Variants in VPS13C observed in about 807,000 individuals in gnomAD.
VPS13C encodes the protein intermembrane lipid transfer protein VPS13C.
In VPS13C, 358 loss-of-function variants were observed where a neutral mutation model predicts 456.8. The observed-to-expected ratio is 0.78, with a 90% confidence interval of 0.72 to 0.86. VPS13C has a LOEUF of 0.86. Among genes scored for constraint, VPS13C ranks in the 40% least tolerant of loss-of-function variants. The pLI, the probability that VPS13C is intolerant of heterozygous loss-of-function variation, is 0.00. For synonymous variants in VPS13C, 1,578 were observed against 1,486.7 expected, an observed-to-expected ratio of 1.06 and a Z score of -1.41; for missense variants, 4,818 against 4,385.4, an observed-to-expected ratio of 1.10 and a Z score of -2.79.
At chr15:61,881,924 AAT>A in intron 69 of VPS13C, 96 bp from the exon 70 acceptor site, 1 of 1,093,086 alleles carries the variant, frequency 9.1e-7, no homozygotes, top group Admixed American at 2.9e-5. Context: ...CTTTCATCAT[AAT>A]TAAGTGTCTG....
intron 8 of VPS13C, among the ~76,000 whole-genome samples, chr15:62,021,257 G>C (rs1337786445): frequency 6.6e-6 from 1 of 151,760 alleles, no homozygotes; most frequent in Non-Finnish European, 1.5e-5. Flanking sequence ...AGTATATCAT[G>C]TAACAACACT....
At chr15:61,911,802 A>T (rs200187332) in intron 63 of VPS13C, 38 bp downstream of exon 63, 9 of 1,502,616 alleles carry the variant, frequency 6.0e-6, no homozygotes, top group Non-Finnish European at 8.0e-6. Context: ...ATTTATTTGT[A>T]TATTTTAGGA....
intron 57 of VPS13C, 29 bp downstream of exon 57, chr15:61,920,038 T>C (rs767796774): frequency 2.0e-6 from 3 of 1,493,376 alleles, no homozygotes; most frequent in Middle Eastern, 1.8e-4. Flanking sequence ...ACTGCTAAGA[T>C]ACCCTTAAGG....
intron 15 of VPS13C, among the ~76,000 whole-genome samples, chr15:62,000,996 C>A (rs1490220625): frequency 1.3e-5 from 2 of 152,104 alleles, no homozygotes; most frequent in East Asian, 3.8e-4. Context: ...CATTACATAG[C>A]CATTGTACTA....
intron 1 of VPS13C, among the ~76,000 whole-genome samples, chr15:62,057,429 C>CAGAT (rs1223078615): frequency 3.9e-5 from 6 of 152,098 alleles, no homozygotes; most frequent in African/African-American, 1.2e-4. Context: ...AAAATCAACT[C>CAGAT]AGATATCTTG....
At chr15:61,887,726 T>C (rs1030287038) in intron 67 of VPS13C, among the ~76,000 whole-genome samples, 1 of 151,662 alleles carries the variant, frequency 6.6e-6, no homozygotes, top group African/African-American at 2.4e-5. Flanking sequence ...TAAAAATAAA[T>C]AAATATAAAA....
chr15:62,027,280 C>T (rs548469435), intron 6 of VPS13C, among the ~76,000 whole-genome samples: 4 of 151,938 alleles, frequency 2.6e-5, no homozygotes, highest in South Asian at 4.1e-4. Flanking sequence ...TTTTCTTTTA[C>T]GGTGACAGCT....
chr15:61,881,914 C>G, intron 69 of VPS13C, 86 bp from the exon 70 acceptor site: 1 of 1,186,036 alleles, frequency 8.4e-7, no homozygotes, highest in South Asian at 1.6e-5. Context: ...GAGGCCACCA[C>G]TTTCATCATA....
At chr15:61,900,127 C>G (rs1319883431) in intron 66 of VPS13C, among the ~76,000 whole-genome samples, 1 of 152,094 alleles carries the variant, frequency 6.6e-6, no homozygotes, top group Non-Finnish European at 1.5e-5. Flanking sequence ...ATAATAAAAG[C>G]TATCTATGAC....
At chr15:61,949,306 A>ATT in intron 42 of VPS13C, 137 bp downstream of exon 42, 1 of 980,334 alleles carries the variant, frequency 1.0e-6, no homozygotes, top group South Asian at 1.6e-5. Context: ...TAGAGATAAC[A>ATT]TTTTCTTTCT....
At chr15:61,878,567 G>C in intron 74 of VPS13C, 40 bp downstream of exon 74, 1 of 1,594,628 alleles carries the variant, frequency 6.3e-7, no homozygotes, top group Non-Finnish European at 8.5e-7. Flanking sequence ...ACATGACCTT[G>C]GTACACCTGC....
chr15:61,901,554 C>A (rs74479408), intron 66 of VPS13C, among the ~76,000 whole-genome samples: 8,972 of 152,212 alleles, frequency 0.059, 319 homozygotes, highest in Non-Finnish European at 0.08. Context: ...AGACAAAACC[C>A]CAATGAGATA....
chr15:62,054,851 G>T (rs1483983895), intron 1 of VPS13C, among the ~76,000 whole-genome samples: 2 of 152,000 alleles, frequency 1.3e-5, no homozygotes, highest in African/African-American at 2.4e-5. Flanking sequence ...ACCCAGCCAG[G>T]TTTGTTAATC....
chr15:61,969,663 G>A (rs1001097249), intron 27 of VPS13C, among the ~76,000 whole-genome samples: 2 of 152,026 alleles, frequency 1.3e-5, no homozygotes, highest in African/African-American at 4.8e-5. Context: ...AATCATGACA[G>A]AATTTAACTT....
At chr15:61,864,458 A>T in intron 81 of VPS13C, 1 of 831,034 alleles carries the variant, frequency 1.2e-6, no homozygotes, top group Non-Finnish European at 1.5e-6. Context: ...CTGAAAATAG[A>T]TAATATATAT....
intron 54 of VPS13C, 104 bp downstream of exon 54, chr15:61,922,293 A>G (rs1567007215): frequency 6.6e-6 from 9 of 1,370,266 alleles, no homozygotes; most frequent in Non-Finnish European, 9.0e-6. Context: ...ATCTATTCAC[A>G]TATGTACTCA....
rs759631816 is a variant in VPS13C at position 62,007,389 on chromosome 15, C to T, written c.1209G>A (p.Gln403=). Residue 403 remains glutamine (Q), a synonymous_variant, in exon 15 of 85, where the codon CAG becomes CAA. Transcript: ENST00000644861. ...AGGCAATTTTATAACTCTTGAGTAA[C>T]TGCCTGTGCTTTTTTATGTTACTCC... ...WSWSNIKKHR[Q]LLKSYKIAYK... is the part of the protein sequence containing the mutation. 14 of 1,612,924 alleles carry T rather than the reference C, an allele frequency of 8.7e-6. No homozygotes were observed. Among genetic ancestry groups the T allele is most frequent in the Non-Finnish European group, 1.1e-5 (13 of 1,179,514 alleles).
rs201012988 is a variant in VPS13C at position 61,915,967 on chromosome 15, G to A, written c.8111C>T (p.Ser2704Leu). The change falls in exon 61 of 85, where the codon TCG (serine) becomes TTG (leucine). Residue 2704 changes from serine to leucine, a missense_variant. Physicochemically the swap from Ser to Leu is moderately radical, Grantham distance 145. Transcript: ENST00000644861. The stretch of plus-strand genomic sequence containing the variant: ...TTCCATTATTTCACCACTGATTCTC[G>A]AATGCAGAACATCAGCAGTACTGCC... ...AEGSTADVLH[S>L]RISGEIMELV... 7.4e-5 allele frequency: 120 copies of A among 1,613,096 alleles called. 1 individual carries two copies. Among genetic ancestry groups the A allele is most frequent in the Middle Eastern group, 3.3e-4 (2 of 6,080 alleles).
intron 47 of VPS13C, among the ~76,000 whole-genome samples, chr15:61,939,576 T>C (rs1402934473): frequency 6.6e-6 from 1 of 152,222 alleles, no homozygotes. Context: ...CTCGGCTGTT[T>C]GGTTTCAACA....
Sources: gnomAD v4.1 joint callset for allele counts (sites outside exome capture counted in the v4.1 genomes callset) on GRCh38, gnomAD v4.1.1 for gene constraint, MANE v1.5 for transcripts, NCBI Gene and HGNC (gene_info 2026-07-23, HGNC 2026-07-21) for gene names.